Variants in NREP observed in about 807,000 individuals in gnomAD.
NREP encodes neuronal regeneration related protein, also known as neuronal regeneration-related protein.
In NREP, 5 loss-of-function variants were observed where a neutral mutation model predicts 8.6. The ratio of observed to expected loss-of-function variants is 0.58; its 90% CI spans 0.30 to 1.22. NREP has a LOEUF of 1.22. NREP is among the 50% of genes most tolerant of loss of function. The probability of loss-of-function intolerance (pLI) is 0.07; values close to 1 mark genes in which losing one functional copy is unlikely to be tolerated. For missense variants in NREP, 86 were observed against 82.5 expected (o/e 1.04, Z -0.17); for synonymous variants, 27 against 28.0 (o/e 0.96, Z 0.11).
chr5:111,783,200 G>A (rs1351176136), intron 2 of NREP, among the ~76,000 whole-genome samples: 1 of 152,132 alleles, frequency 6.6e-6, no homozygotes, highest in African/African-American at 2.4e-5. Flanking sequence ...AAATCCCTAT[G>A]CAGATTCTTG....
chr5:111,863,396 T>G (rs575723676), intron 2 of NREP, among the ~76,000 whole-genome samples: 63 of 152,188 alleles, frequency 4.1e-4, no homozygotes, highest in African/African-American at 1.5e-3. Flanking sequence ...GAAGTCGAGG[T>G]GAGTAGTTGG....
chr5:111,963,820 G>A (rs1335667337), intron 2 of NREP, among the ~76,000 whole-genome samples: 2 of 152,176 alleles, frequency 1.3e-5, no homozygotes, highest in Non-Finnish European at 2.9e-5. Flanking sequence ...CAAGAAAAAT[G>A]TGAGTGGTGA....
intron 2 of NREP, among the ~76,000 whole-genome samples, chr5:111,763,934 A>G (rs1198582810): frequency 2.0e-5 from 3 of 152,252 alleles, no homozygotes; most frequent in Non-Finnish European, 2.9e-5. Context: ...TAAGAAGCTG[A>G]TAACATATAT....
intron 2 of NREP, among the ~76,000 whole-genome samples, chr5:111,768,858 T>C (rs1561659019): frequency 6.6e-6 from 1 of 152,210 alleles, no homozygotes; most frequent in Non-Finnish European, 1.5e-5. Flanking sequence ...AACCATTTGT[T>C]TCCTTTCAGA....
At chr5:111,757,304 G>T (rs570855820), upstream of NREP, 190 of 730,826 alleles carry the variant, frequency 2.6e-4, no homozygotes, top group Admixed American at 3.8e-4. Context: ...AGGGGGAAGG[G>T]AAACAAAACC....
chr5:111,866,236 T>A, intron 2 of NREP, among the ~76,000 whole-genome samples: 1 of 152,072 alleles, frequency 6.6e-6, no homozygotes, highest in Middle Eastern at 3.4e-3. Flanking sequence ...GGGAGAAAAT[T>A]TTTGCAACCT....
intron 2 of NREP, among the ~76,000 whole-genome samples, chr5:111,803,168 T>C (rs1352336138): frequency 6.6e-6 from 1 of 152,126 alleles, no homozygotes; most frequent in African/African-American, 2.4e-5. Flanking sequence ...TAAAAAGAGG[T>C]TATCACTCAG....
intron 2 of NREP, among the ~76,000 whole-genome samples, chr5:111,853,264 A>G (rs939614056): frequency 2.6e-5 from 4 of 152,164 alleles, no homozygotes. Flanking sequence ...TAGGTGGAGC[A>G]CAGGGAAATT....
chr5:111,896,804 C>G (rs905337772), intron 2 of NREP, among the ~76,000 whole-genome samples: 5 of 152,064 alleles, frequency 3.3e-5, no homozygotes, highest in African/African-American at 1.2e-4. Context: ...CCTGAAAATG[C>G]AAAATTGAAT....
intron 2 of NREP, among the ~76,000 whole-genome samples, chr5:111,886,885 A>G (rs1267524466): frequency 6.6e-6 from 1 of 152,044 alleles, no homozygotes; most frequent in Non-Finnish European, 1.5e-5. Flanking sequence ...TGACGAGTTA[A>G]TGGGTGCAGC....
intron 2 of NREP, among the ~76,000 whole-genome samples, chr5:111,781,570 G>A (rs541353725): frequency 2.0e-5 from 3 of 152,150 alleles, no homozygotes; most frequent in Non-Finnish European, 4.4e-5. Context: ...CAAACTGTGG[G>A]AAATGGTAAA....
intron 2 of NREP, among the ~76,000 whole-genome samples, chr5:111,779,945 A>G (rs557803460): frequency 6.6e-6 from 1 of 152,278 alleles, no homozygotes; most frequent in East Asian, 1.9e-4. Context: ...GCATATTCAT[A>G]ATGTCTGAGG....
At chr5:111,760,130 T>C (rs1182151443), upstream of NREP, among the ~76,000 whole-genome samples, 2 of 152,242 alleles carry the variant, frequency 1.3e-5, no homozygotes, top group African/African-American at 4.8e-5. Context: ...GATAATTTTT[T>C]GACGGGGTGA....
chr5:111,744,138 T>C (rs1171706827), intron 2 of NREP, among the ~76,000 whole-genome samples: 5 of 152,138 alleles, frequency 3.3e-5, no homozygotes, highest in African/African-American at 9.7e-5. Context: ...AAGTCTGCAT[T>C]TTCCCCCGAA....
intron 2 of NREP, among the ~76,000 whole-genome samples, chr5:111,745,341 T>C (rs1334676144): frequency 6.6e-6 from 1 of 152,172 alleles, no homozygotes; most frequent in Non-Finnish European, 1.5e-5. Flanking sequence ...AGTCTTAGAG[T>C]AACAACTTTG....
chr5:111,776,611 A>G (rs1175316914), intron 2 of NREP, among the ~76,000 whole-genome samples: 2 of 152,218 alleles, frequency 1.3e-5, no homozygotes, highest in African/African-American at 4.8e-5. Context: ...GATTCATACA[A>G]TGGAATAATA....
intron 2 of NREP, among the ~76,000 whole-genome samples, chr5:111,927,019 T>A (rs2112590816): frequency 6.6e-6 from 1 of 152,096 alleles, no homozygotes. Flanking sequence ...GTGTCTCCCC[T>A]ATAGATGGAT....
chr5:111,848,605 A>G (rs565779893), intron 2 of NREP, among the ~76,000 whole-genome samples: 18 of 152,146 alleles, frequency 1.2e-4, no homozygotes, highest in Non-Finnish European at 2.5e-4. Flanking sequence ...GCTCTGCTAA[A>G]TAGTGAGTTG....
At chr5:111,907,892 T>G (rs1427828916) in intron 2 of NREP, among the ~76,000 whole-genome samples, 2 of 152,080 alleles carry the variant, frequency 1.3e-5, no homozygotes, top group African/African-American at 2.4e-5. Flanking sequence ...TTACTATTTT[T>G]TTTATATCCC....
Sources: allele counts gnomAD v4.1 joint callset (sites outside exome capture counted in the v4.1 genomes callset), GRCh38; gene constraint gnomAD v4.1.1; transcripts MANE v1.5; gene names NCBI Gene and HGNC (gene_info 2026-07-23, HGNC 2026-07-21).